Variants in F5 observed in about 807,000 individuals in gnomAD.
F5 encodes activated protein c cofactor.
Under a neutral mutation model 216.4 loss-of-function variants are expected in F5, and 138 were observed. That is an observed-to-expected ratio of 0.64 (90% CI 0.56 to 0.73). The LOEUF (loss-of-function observed/expected upper bound fraction) is 0.73, where lower values mean the gene tolerates loss of function less well. Ranked by LOEUF, F5 falls within the 30% of genes least tolerant of loss-of-function variation. F5 has a pLI of 0.00. For missense variants in F5, 2,403 were observed against 2,674.0 expected (o/e 0.90, Z 2.24); for synonymous variants, 916 against 930.7 (o/e 0.98, Z 0.29).
intron 15 of F5, 148 bp downstream of exon 15, chr1:169,530,638 T>G (rs1356492735): frequency 2.7e-6 from 2 of 743,286 alleles, no homozygotes; most frequent in Non-Finnish European, 4.8e-6. Flanking sequence ...CTGGTTATGA[T>G]AAATGCAGAC....
chr1:169,524,780 C>T lies in F5; in HGVS notation c.5788+57G>A, dbSNP rs534516102. 38 of 1,360,856 alleles carry T rather than the reference C, an allele frequency of 2.8e-5. No individual in the cohort carries two copies. In the East Asian group the frequency reaches 8.3e-4, roughly 30 times the overall value. The allele number at this position is 1,360,856 out of a possible 1,614,324, so 84.3% of individuals were successfully genotyped here. ...GGATTGTCATGTATGGTTTCATAGGCTGCATGCTGCACAACTGTAGGGGGT... is the reference window on the plus strand; with the variant it reads ...GGATTGTCATGTATGGTTTCATAGGTTGCATGCTGCACAACTGTAGGGGGT... On this transcript the variant is annotated intron_variant, in intron 19 of 24. Transcript: ENST00000367797.
intron 2 of F5, among the ~76,000 whole-genome samples, chr1:169,573,660 G>A (rs1287602907): frequency 2.0e-5 from 3 of 152,198 alleles, no homozygotes; most frequent in Non-Finnish European, 4.4e-5. Context: ...CAGAAATCAA[G>A]AATGAGGTTT....
chr1:169,547,765 T>C (rs1335342454), intron 10 of F5, among the ~76,000 whole-genome samples: 1 of 151,936 alleles, frequency 6.6e-6, no homozygotes, highest in African/African-American at 2.4e-5. Context: ...GTTCAACCAT[T>C]GTGGAAGATA....
At chr1:169,560,925 C>T (rs1459405891) in intron 3 of F5, among the ~76,000 whole-genome samples, 159 bp from the exon 4 acceptor site, 3 of 152,120 alleles carry the variant, frequency 2.0e-5, no homozygotes, top group Non-Finnish European at 4.4e-5. Context: ...ATGCCCATTT[C>T]TATGCTCATG....
chr1:169,575,342 A>G (rs1166584943), intron 2 of F5, among the ~76,000 whole-genome samples: 5 of 152,234 alleles, frequency 3.3e-5, no homozygotes, highest in African/African-American at 1.2e-4. Context: ...CAGAAGGTGA[A>G]GCCGAAGGCA....
chr1:169,546,528 A>G lies in F5; in HGVS notation c.1676T>C (p.Leu559Pro). 6.2e-7 allele frequency: 1 copy of G among 1,614,210 alleles called. No individual in the cohort carries two copies. The highest frequency in any genetic ancestry group is 8.5e-7 in the Non-Finnish European group (1 of 1,180,020). Residue 559 changes from leucine to proline, a missense_variant, in exon 11 of 25, where the codon CTT becomes CCT. This residue lies in a region of F5 where 1,425 missense variants were observed against 1,554.8 expected (regional missense o/e 0.92). Coordinates refer to ENST00000367797, the MANE Select transcript of F5 (RefSeq NM_000130.5). ...AVFDENKSWY[L>P]EDNINKFCEN... ...ACAAAACTTGTTGATGTTGTCCTCA[A>G]GGTACCAGCTTTTGTTCTCATCAAA...
intron 7 of F5, among the ~76,000 whole-genome samples, chr1:169,554,461 C>T (rs968816047): frequency 1.4e-4 from 22 of 152,168 alleles, no homozygotes; most frequent in African/African-American, 5.1e-4. Flanking sequence ...TACTGATGGA[C>T]ATTTTGGGTT....
intron 14 of F5, among the ~76,000 whole-genome samples, chr1:169,535,145 A>G (rs1659676289): frequency 6.6e-6 from 1 of 152,224 alleles, no homozygotes; most frequent in Admixed American, 6.5e-5. Context: ...TACCCAGATA[A>G]CAAAACTGCA....
Position 169,546,487 on chromosome 1 carries a change from C to T in F5, c.1717G>A (p.Val573Met). The change falls in exon 11 of 25, where the codon GTG (valine) becomes ATG (methionine). Residue 573 changes from valine to methionine, a missense_variant. Transcript: ENST00000367797. ...TAAAACTTGGGGTCATCACGTTTCACCTCATCAGGATTTTCACAAAACTTG... is the reference window on the plus strand; with the variant it reads ...TAAAACTTGGGGTCATCACGTTTCATCTCATCAGGATTTTCACAAAACTTG... ...INKFCENPDEVKRDDPKFYES... is the reference protein window; with the variant it reads ...INKFCENPDEMKRDDPKFYES... 6.2e-7 allele frequency: 1 copy of T among 1,614,154 alleles called. No homozygotes were observed. The highest frequency in any genetic ancestry group is 8.5e-7 in the Non-Finnish European group (1 of 1,180,000).
At chr1:169,524,783 C>T in intron 19 of F5, 54 bp downstream of exon 19, 1 of 1,384,710 alleles carries the variant, frequency 7.2e-7, no homozygotes, top group Non-Finnish European at 1.0e-6. Flanking sequence ...TCATAGGCTG[C>T]ATGCTGCACA....
Position 169,549,989 on chromosome 1 carries a change from C to T in F5, c.1423G>A (p.Val475Ile), listed in dbSNP as rs1571581802. ...SGRNNTMIRA[V>I]QPGETYTYKW... ...TAAGTATAGGTTTCCCCTGGTTGAA[C>T]TGCTCTGATCATGGTGTTGTTCCTG... The change falls in exon 10 of 25, where the codon GTT (valine) becomes ATT (isoleucine). Residue 475 changes from valine (V) to isoleucine (I), a missense_variant. Around this residue, in one of 4 missense-constraint regions of F5, gnomAD observed 1,425 missense variants for 1,554.8 expected, o/e 0.92. Transcript: ENST00000367797. 4 of 1,614,098 alleles carry T rather than the reference C, an allele frequency of 2.5e-6. No individual in the cohort carries two copies.
chr1:169,568,543 A>T (rs1226706193), intron 3 of F5, among the ~76,000 whole-genome samples: 1 of 152,088 alleles, frequency 6.6e-6, no homozygotes, highest in Non-Finnish European at 1.5e-5. Flanking sequence ...TAATCAAAAT[A>T]AAAAAAATTA....
intron 10 of F5, among the ~76,000 whole-genome samples, chr1:169,547,560 C>G (rs984467933): frequency 6.6e-6 from 1 of 152,136 alleles, no homozygotes; most frequent in African/African-American, 2.4e-5. Flanking sequence ...AAAGAAGACA[C>G]ACATGTGGCC....
rs183740773 is a variant in F5, at chr1:169,573,108, C to A, written c.251-765G>T. Among the ~76,000 whole-genome samples the A allele has an allele frequency of 9.9e-5, 15 of 152,160 alleles. No homozygotes were observed. In the East Asian group the frequency reaches 2.3e-3, roughly 24 times the overall value. Reference sequence around the variant, plus strand: ...GATTGCAGGCATGCACCACCACACCCAGCTAATTTTTGTATTTTTAGTAGA... The same window carrying A: ...GATTGCAGGCATGCACCACCACACCAAGCTAATTTTTGTATTTTTAGTAGA... On this transcript the variant is annotated intron_variant, in intron 2 of 24. Coordinates refer to ENST00000367797, the MANE Select transcript of F5 (RefSeq NM_000130.5).
At chr1:169,544,540 T>C in intron 11 of F5, 32 bp from the exon 12 acceptor site, 1 of 1,581,976 alleles carries the variant, frequency 6.3e-7, no homozygotes, top group Non-Finnish European at 8.7e-7. Flanking sequence ...AAATTCCAAG[T>C]CTATGCCAAC....
chr1:169,582,552 A>G, intron 1 of F5, 30 bp from the exon 2 acceptor site: 2 of 1,243,462 alleles, frequency 1.6e-6, no homozygotes, highest in Non-Finnish European at 2.3e-6. Flanking sequence ...ACTAATTTGA[A>G]AGGCATATTC....
In F5 at chr1:169,520,620, C is replaced by A. The variant is rs775222365; in HGVS notation, c.6093G>T (p.Gln2031His). The A allele has an allele frequency of 1.9e-6, 3 of 1,613,880 alleles. No individual in the cohort carries two copies. The highest frequency in any genetic ancestry group is 2.5e-6 in the Non-Finnish European group (3 of 1,179,882). The change falls in exon 22 of 25, where the codon CAG (glutamine) becomes CAT (histidine). Residue 2031 changes from glutamine to histidine, a missense_variant. Around this residue, in one of 4 missense-constraint regions of F5, gnomAD observed 659 missense variants for 787.9 expected, o/e 0.84. Transcript: ENST00000367797. ...NSDASTIKENQFDPPIVARYI... is the reference protein window; with the variant it reads ...NSDASTIKENHFDPPIVARYI... Reference sequence around the variant, plus strand: ...ATCTAGCCACAATAGGTGGGTCAAACTGATTCTCTTTTATTGTAGAGGCAT... The same window carrying A: ...ATCTAGCCACAATAGGTGGGTCAAAATGATTCTCTTTTATTGTAGAGGCAT...
intron 3 of F5, among the ~76,000 whole-genome samples, chr1:169,571,656 C>T (rs1026281720): frequency 2.6e-5 from 4 of 152,134 alleles, no homozygotes; most frequent in Admixed American, 2.6e-4. Context: ...CAAACCCAAC[C>T]AATTTCCTGT....
intron 1 of F5, among the ~76,000 whole-genome samples, chr1:169,584,351 G>T (rs1247527226): frequency 6.6e-6 from 1 of 152,198 alleles, no homozygotes; most frequent in Non-Finnish European, 1.5e-5. Flanking sequence ...TATAAGGATT[G>T]TTTAAAGATG....
Sources: gnomAD v4.1 joint callset for allele counts (sites outside exome capture counted in the v4.1 genomes callset) on GRCh38, gnomAD v4.1.1 for gene constraint, gnomAD v4.1.1 regional missense constraint, MANE v1.5 for transcripts, NCBI Gene and HGNC (gene_info 2026-07-23, HGNC 2026-07-21) for gene names.